Variants in ATAD2B observed in about 807,000 individuals in gnomAD.
The protein encoded by ATAD2B is ATPase family AAA domain containing 2B, also known as ATPase family AAA domain-containing protein 2B.
In ATAD2B, 40 loss-of-function variants were observed where a neutral mutation model predicts 167.6. That is an observed-to-expected ratio of 0.24 (90% CI 0.19 to 0.31). The LOEUF is 0.31. Among genes scored for constraint, ATAD2B ranks in the 10% least tolerant of loss-of-function variants. ATAD2B has a pLI of 1.00. For missense variants in ATAD2B, 1,242 were observed against 1,757.2 expected, an observed-to-expected ratio of 0.71 and a Z score of 5.24; for synonymous variants, 579 against 596.5, an observed-to-expected ratio of 0.97 and a Z score of 0.43.
chr2:23,808,083 A>ATATATATAATTATATATATAAGTAAT lies in ATAD2B; in HGVS notation c.2454+2207_2454+2232dup, dbSNP rs1259834263. 3.3e-4 allele frequency among the ~76,000 whole-genome samples: 44 copies of ATATATATAATTATATATATAAGTAAT among 132,054 alleles called. 3 individuals carry two copies. The highest frequency in any genetic ancestry group is 6.2e-4 in the Non-Finnish European group (39 of 62,566). The allele number at this position is 132,054 out of a possible 152,430, so 86.6% of individuals were successfully genotyped here. On this transcript the variant is annotated intron_variant, in intron 18 of 27. Coordinates refer to ENST00000238789, the MANE Select transcript of ATAD2B (RefSeq NM_017552.4). ...TATAAATTATAATATATAAGTAATT[A>ATATATATAATTATATATATAAGTAAT]TATATATAATTATATATATAAGTAA...
Position 23,926,693 on chromosome 2 carries a change from TCCGGCC to T in ATAD2B, c.72_77del (p.Gly26_Ala27del), listed in dbSNP as rs989496550. On this transcript the variant is annotated inframe_deletion, in exon 1 of 28. Coordinates refer to ENST00000238789, the MANE Select transcript of ATAD2B (RefSeq NM_017552.4). ...TGCCTCCGGTCGCCCCAGGCTCTGC[TCCGGCC>T]CCAGGCCCAGGCCCGGGACCAGGAG... 6.4e-7 allele frequency: 1 copy of T among 1,551,790 alleles called. No individual in the cohort carries two copies. Among genetic ancestry groups the T allele is most frequent in the African/African-American group, 1.4e-5 (1 of 73,032 alleles).
At chr2:23,745,148 G>C (rs1000723232), downstream of ATAD2B, among the ~76,000 whole-genome samples, 3 of 152,016 alleles carry the variant, frequency 2.0e-5, no homozygotes, top group East Asian at 1.9e-4. Context: ...TTAGCCAGGG[G>C]TGGTGGCACA....
rs1694919348 is a variant in ATAD2B at position 23,864,938 on chromosome 2, G to A, written c.1189-14C>T. 4 of 1,446,124 alleles carry A rather than the reference G, an allele frequency of 2.8e-6. No individual in the cohort carries two copies. The highest frequency in any genetic ancestry group is 4.9e-5 in the Admixed American group (2 of 40,506). 89.6% of individuals were successfully genotyped at this position (1,446,124 alleles called of 1,614,324 possible). A position where few individuals can be genotyped will look rare whatever the true frequency, so the allele number is the denominator to read the frequency against. ...ATCAAACCGTACCTTGGAAAGAAGG[G>A]GAAAAATTTGATATCAAACAATTTT... On this transcript the variant is annotated splice_polypyrimidine_tract_variant and intron_variant, in intron 10 of 27. Coordinates refer to ENST00000238789, the MANE Select transcript of ATAD2B (RefSeq NM_017552.4).
rs889874083 is a variant in ATAD2B, at chr2:23,872,929, T to A, written c.977+2900A>T. 11 of 762,574 alleles carry A rather than the reference T, an allele frequency of 1.4e-5. No homozygotes were observed. In the East Asian group the frequency reaches 2.2e-4, roughly 15 times the overall value. 47.2% of individuals were successfully genotyped at this position (762,574 alleles called of 1,614,324 possible). On this transcript the variant is annotated intron_variant, in intron 8 of 27. Coordinates refer to ENST00000238789, the MANE Select transcript of ATAD2B (RefSeq NM_017552.4). ...CTCCTTATGGCCCGCCGGGCTCACATTGGCATTGTACCAGTCGCTGAAGCA... is the reference window on the plus strand; with the variant it reads ...CTCCTTATGGCCCGCCGGGCTCACAATGGCATTGTACCAGTCGCTGAAGCA...
In ATAD2B at chr2:23,918,008, T is replaced by C. The variant is rs191695778; in HGVS notation, c.216+8547A>G. Among the ~76,000 whole-genome samples, 453 of 151,684 alleles carry C rather than the reference T, an allele frequency of 3.0e-3. 2 individuals carry two copies. Among genetic ancestry groups the C allele is most frequent in the Non-Finnish European group, 4.5e-3 (306 of 67,902 alleles). On this transcript the variant is annotated intron_variant, in intron 1 of 27. Coordinates refer to ENST00000238789, the MANE Select transcript of ATAD2B (RefSeq NM_017552.4). ...CAGAGGCAGAGGTTATGGTGAGTCATTGAACTCCAGCCTGGGCAACAAGAG... is the reference window on the plus strand; with the variant it reads ...CAGAGGCAGAGGTTATGGTGAGTCACTGAACTCCAGCCTGGGCAACAAGAG...
At position 23,752,049 on chromosome 2, in the gene ATAD2B, T is replaced by C. The variant is rs767110065; in HGVS notation, c.4374A>G (p.Leu1458=). 3.8e-6 allele frequency: 6 copies of C among 1,562,336 alleles called. No homozygotes were observed. Among genetic ancestry groups the C allele is most frequent in the Non-Finnish European group, 5.2e-6 (6 of 1,150,512 alleles). ...ERTVHMFETF[L] The stretch of plus-strand genomic sequence containing the variant: ...TAAACCACTCATCTTGAAAAGTTCA[T>C]AGGAATGTCTCAAACATATGAACTG... Residue 1458 remains leucine (L), a synonymous_variant, in exon 28 of 28, where the codon CTA becomes CTG. Transcript: ENST00000238789.
At chr2:23,821,342 T>C (rs965971075) in intron 16 of ATAD2B, among the ~76,000 whole-genome samples, 2 of 152,216 alleles carry the variant, frequency 1.3e-5, no homozygotes, top group African/African-American at 2.4e-5. Flanking sequence ...ACGTAAGTTT[T>C]TTGGGACGTT....
the ATAD2B span, chr2:23,691,623 G>A: frequency 1.5e-5 from 23 of 1,486,542 alleles, no homozygotes; most frequent in Non-Finnish European, 2.0e-5. Flanking sequence ...TGAGGAAGCG[G>A]CACGGTGGCC....
intron 15 of ATAD2B, 23 bp from the exon 16 acceptor site, chr2:23,823,592 T>G: frequency 6.3e-7 from 1 of 1,594,896 alleles, no homozygotes; most frequent in Non-Finnish European, 8.6e-7. Context: ...AGGAGAAGGA[T>G]AGCAAAGGTA....
the ATAD2B span, among the ~76,000 whole-genome samples, chr2:23,724,034 C>T: frequency 6.6e-6 from 1 of 152,228 alleles, no homozygotes; most frequent in East Asian, 1.9e-4. Context: ...AAGTTAAACA[C>T]CACATATTCT....
the ATAD2B span, chr2:23,703,990 C>G: frequency 2.7e-6 from 3 of 1,112,904 alleles, no homozygotes; most frequent in South Asian, 1.6e-5. Context: ...GGCCCTCCCC[C>G]TCCAACCACA....
chr2:23,844,022 T>C (rs1691351159), intron 13 of ATAD2B, among the ~76,000 whole-genome samples: 1 of 152,154 alleles, frequency 6.6e-6, no homozygotes, highest in African/African-American at 2.4e-5. Flanking sequence ...CACCGCAACC[T>C]CCACTTCCCA....
chr2:23,762,074 C>A, intron 24 of ATAD2B, 135 bp downstream of exon 24: 1 of 803,394 alleles, frequency 1.2e-6, no homozygotes, highest in South Asian at 2.7e-5. Context: ...ACCTCACAAG[C>A]TCTTCTTCAC....
intron 21 of ATAD2B, 109 bp downstream of exon 21, chr2:23,785,918 G>A: frequency 1.1e-6 from 1 of 923,168 alleles, no homozygotes; most frequent in South Asian, 1.9e-5. Context: ...ATAGGCTAGG[G>A]GTAATATTCA....
intron 14 of ATAD2B, among the ~76,000 whole-genome samples, chr2:23,831,247 C>T (rs772659105): frequency 6.6e-6 from 1 of 151,878 alleles, no homozygotes; most frequent in Non-Finnish European, 1.5e-5. Context: ...ATATATATTA[C>T]TTACAACAAT....
At chr2:23,842,249 A>G (rs887385841) in intron 13 of ATAD2B, among the ~76,000 whole-genome samples, 7 of 152,126 alleles carry the variant, frequency 4.6e-5, no homozygotes, top group African/African-American at 1.7e-4. Flanking sequence ...TTCCCCCACT[A>G]ATAATTTAGG....
At chr2:23,898,735 G>A (rs1338980832) in intron 1 of ATAD2B, among the ~76,000 whole-genome samples, 3 of 152,170 alleles carry the variant, frequency 2.0e-5, no homozygotes, top group African/African-American at 7.2e-5. Context: ...AGGCACAGTG[G>A]CTCACACATG....
chr2:23,775,301 C>A (rs1678929234), intron 22 of ATAD2B, among the ~76,000 whole-genome samples: 1 of 151,294 alleles, frequency 6.6e-6, no homozygotes, highest in African/African-American at 2.4e-5. Flanking sequence ...TGCACTTCCA[C>A]CTCCTAGGTT....
At chr2:23,806,496 T>C (rs371422650) in intron 18 of ATAD2B, among the ~76,000 whole-genome samples, 3 of 152,208 alleles carry the variant, frequency 2.0e-5, no homozygotes, top group African/African-American at 7.2e-5. Flanking sequence ...CTTACAATTT[T>C]GGTAGGGCGC....
Sources: gnomAD v4.1 joint callset for allele counts (sites outside exome capture counted in the v4.1 genomes callset) on GRCh38, gnomAD v4.1.1 for gene constraint, MANE v1.5 for transcripts, NCBI Gene and HGNC (gene_info 2026-07-23, HGNC 2026-07-21) for gene names.